The following HYCC1 variants were observed in gnomAD, a reference collection of about 807,000 sequenced individuals.
The protein encoded by HYCC1 is hyccin PI4KA lipid kinase complex subunit 1, also known as hyccin.
At chr7:22,907,147 G>C in the HYCC1 span, among the ~76,000 whole-genome samples, 1 of 139,650 alleles carries the variant, frequency 7.2e-6, no homozygotes, top group Non-Finnish European at 1.5e-5. Flanking sequence ...GGTTCTTCTA[G>C]TGTACAAGTC....
the HYCC1 span, among the ~76,000 whole-genome samples, chr7:22,909,650 A>C: frequency 2.0e-5 from 3 of 152,176 alleles, no homozygotes; most frequent in Non-Finnish European, 2.9e-5. Flanking sequence ...AAGTTTGCAC[A>C]CCTACAATGC....
At chr7:22,933,335 G>T in the HYCC1 span, among the ~76,000 whole-genome samples, 554 of 152,090 alleles carry the variant, frequency 3.6e-3, 5 homozygotes, top group African/African-American at 0.013. Flanking sequence ...TTTTTGCTTC[G>T]TGTATTTTGG....
At chr7:22,905,272 T>C in the HYCC1 span, among the ~76,000 whole-genome samples, 2 of 152,012 alleles carry the variant, frequency 1.3e-5, no homozygotes, top group African/African-American at 4.8e-5. Flanking sequence ...AGTGGTGATC[T>C]TGGCTCACTG....
chr7:22,934,217 T>TC, the HYCC1 span: 23 of 77,178 alleles, frequency 3.0e-4, no homozygotes, highest in African/African-American at 8.9e-4. Context: ...TTTTTTTTTT[T>TC]TTTTTTTTTT....
the HYCC1 span, among the ~76,000 whole-genome samples, chr7:22,971,024 T>C: frequency 2.0e-5 from 3 of 152,112 alleles, no homozygotes; most frequent in Non-Finnish European, 4.4e-5. Flanking sequence ...TTGGTCAATA[T>C]ATTTCTTGGA....
At chr7:22,931,265 A>G in the HYCC1 span, among the ~76,000 whole-genome samples, 3 of 151,366 alleles carry the variant, frequency 2.0e-5, no homozygotes, top group Non-Finnish European at 4.4e-5. Flanking sequence ...GAAAAAAAAA[A>G]AAAAAAAACC....
the HYCC1 span, chr7:22,960,245 G>A: frequency 3.4e-4 from 544 of 1,611,754 alleles, 4 homozygotes; most frequent in African/African-American, 5.6e-3. Flanking sequence ...GAAGAGTTAC[G>A]TATTTCTTAC....
the HYCC1 span, chr7:22,977,386 C>T: frequency 1.3e-6 from 2 of 1,598,190 alleles, no homozygotes; most frequent in Non-Finnish European, 1.7e-6. Flanking sequence ...TCGTAAAACT[C>T]AATACTTTGG....
chr7:22,961,165 C>T, the HYCC1 span: 1 of 892,132 alleles, frequency 1.1e-6, no homozygotes, highest in Non-Finnish European at 1.7e-6. Context: ...CTATGAATGG[C>T]TCTCAATTTA....
the HYCC1 span, among the ~76,000 whole-genome samples, chr7:22,994,003 CAG>C: frequency 6.6e-6 from 1 of 152,200 alleles, no homozygotes; most frequent in African/African-American, 2.4e-5. Flanking sequence ...TTTTTAGAGA[CAG>C]AGTCTCACTC....
the HYCC1 span, among the ~76,000 whole-genome samples, chr7:23,001,700 A>T: frequency 6.6e-6 from 1 of 152,000 alleles, no homozygotes; most frequent in Admixed American, 6.6e-5. Flanking sequence ...TCTCAGTTGG[A>T]ATGAAGGAAA....
chr7:22,909,147 C>T, the HYCC1 span, among the ~76,000 whole-genome samples: 1 of 152,110 alleles, frequency 6.6e-6, no homozygotes, highest in African/African-American at 2.4e-5. Flanking sequence ...ATGTAATTCC[C>T]AGTGTTGGAG....
At chr7:22,930,840 AAATT>A in the HYCC1 span, among the ~76,000 whole-genome samples, 2 of 152,180 alleles carry the variant, frequency 1.3e-5, no homozygotes, top group African/African-American at 4.8e-5. Context: ...TTCAAAAAAT[AAATT>A]AATGTGCTAC....
chr7:22,945,663 T>C, the HYCC1 span: 1,299 of 1,613,822 alleles, frequency 8.0e-4, 7 homozygotes, highest in African/African-American at 0.013. Flanking sequence ...GGAAGTTCAG[T>C]TCTTTCTGAA....
the HYCC1 span, among the ~76,000 whole-genome samples, chr7:22,910,138 T>C: frequency 6.6e-6 from 1 of 152,242 alleles, no homozygotes; most frequent in Non-Finnish European, 1.5e-5. Context: ...GTGTTTCAGA[T>C]CTTTCTCCTC....
chr7:22,909,957 T>C, the HYCC1 span, among the ~76,000 whole-genome samples: 1 of 152,118 alleles, frequency 6.6e-6, no homozygotes, highest in African/African-American at 2.4e-5. Context: ...TCACACAGAG[T>C]AGGCCTTTAG....
At chr7:22,963,730 G>A in the HYCC1 span, among the ~76,000 whole-genome samples, 2 of 152,132 alleles carry the variant, frequency 1.3e-5, no homozygotes, top group Non-Finnish European at 2.9e-5. Context: ...TGACTGTATT[G>A]CAAAAAACTT....
At chr7:22,987,880 G>T in the HYCC1 span, among the ~76,000 whole-genome samples, 2 of 152,008 alleles carry the variant, frequency 1.3e-5, no homozygotes, top group Non-Finnish European at 2.9e-5. Flanking sequence ...TAGCATCATG[G>T]TTATTAAATA....
At chr7:22,956,474 GTTTAAC>G in the HYCC1 span, among the ~76,000 whole-genome samples, 1 of 151,762 alleles carries the variant, frequency 6.6e-6, no homozygotes, top group Non-Finnish European at 1.5e-5. Context: ...CCATACAATT[GTTTAAC>G]TTAAACTGAA....
Sources: allele counts gnomAD v4.1 joint callset (sites outside exome capture counted in the v4.1 genomes callset), GRCh38; gene constraint gnomAD v4.1.1; transcripts MANE v1.5; gene names NCBI Gene and HGNC (gene_info 2026-07-23, HGNC 2026-07-21).